The following MIOS variants were observed in gnomAD, a reference collection of about 807,000 sequenced individuals.
The protein encoded by MIOS is GATOR2 complex protein MIOS.
A neutral mutation model predicts 96.9 loss-of-function variants in MIOS; 52 were observed. That is an observed-to-expected ratio of 0.54 (90% CI 0.43 to 0.68). MIOS has a LOEUF of 0.68. MIOS is among the 30% of genes least tolerant of loss of function. MIOS has a pLI of 0.00. For synonymous variants in MIOS, 397 were observed against 359.5 expected (o/e 1.10, Z -1.18); for missense variants, 1,005 against 1,052.8 (o/e 0.95, Z 0.63).
At chr7:7,585,097 A>C (rs1209910099) in intron 6 of MIOS, among the ~76,000 whole-genome samples, 1 of 152,180 alleles carries the variant, frequency 6.6e-6, no homozygotes, top group Non-Finnish European at 1.5e-5. Flanking sequence ...AATGATTTTG[A>C]ATATTGCAGT....
At chr7:7,599,278 A>G (rs1342134917) in intron 11 of MIOS, among the ~76,000 whole-genome samples, 1 of 152,224 alleles carries the variant, frequency 6.6e-6, no homozygotes, top group African/African-American at 2.4e-5. Flanking sequence ...CTTTCACTAC[A>G]GAAATACTAA....
Position 7,574,111 on chromosome 7 carries a change from C to A in MIOS, c.1308C>A (p.Tyr436Ter). The A allele has an allele frequency of 6.2e-7, 1 of 1,607,636 alleles. No individual in the cohort carries two copies. The highest frequency in any genetic ancestry group is 8.5e-7 in the Non-Finnish European group (1 of 1,175,736). Residue 436 changes from tyrosine (Y) to a stop codon, truncating the protein, a stop_gained, in exon 5 of 13, where the codon TAC becomes TAA. Transcript: ENST00000340080. LOFTEE classifies it high-confidence loss of function. Reference protein sequence around the residue: ...LWYTLHFMKQYTEDMDQKSPG... With the variant: ...LWYTLHFMKQ ...GCATTTAAATACTTATGAAGCAATA[C>A]ACAGAAGATATGGATCAGAAATCTC...
chr7:7,596,333 T>G lies in MIOS; in HGVS notation c.2273T>G (p.Phe758Cys). Residue 758 changes from phenylalanine to cysteine, a missense_variant, in exon 11 of 13, where the codon TTT becomes TGT. Phe to Cys is a radical substitution (Grantham distance 205). This residue lies in a region of MIOS where 865 missense variants were observed against 887.9 expected (regional missense o/e 0.97). Transcript: ENST00000340080. ...CSAVPHQGRG[F>C]SQYGVSGSPT... The stretch of plus-strand genomic sequence containing the variant: ...GCTGTGCCTCATCAGGGCAGAGGTT[T>G]TAGTCAGTATGGTGTGAGTGGCTCA... 6.2e-7 allele frequency: 1 copy of G among 1,614,132 alleles called. No individual in the cohort carries two copies. Among genetic ancestry groups the G allele is most frequent in the Non-Finnish European group, 8.5e-7 (1 of 1,180,018 alleles).
Position 7,605,954 on chromosome 7 carries a change from C to G in MIOS, c.2414C>G (p.Ser805Ter). ...TATTTTGTCATAGGAGGAACCAAAT[C>G]AGATGAAAAAGTGGACTTGAGCAAG... Reference protein sequence around the residue: ...PVSSCPGGTKSDEKVDLSKDK... With the variant: ...PVSSCPGGTK Residue 805 changes from serine (S) to a stop codon, truncating the protein, a stop_gained, in exon 12 of 13, where the codon TCA (serine) becomes TGA (stop). Transcript: ENST00000340080. LOFTEE classifies it high-confidence loss of function. The G allele has an allele frequency of 1.9e-6, 3 of 1,613,196 alleles. No homozygotes were observed. Among genetic ancestry groups the G allele is most frequent in the Non-Finnish European group, 2.5e-6 (3 of 1,179,406 alleles).
chr7:7,585,939 T>C, intron 7 of MIOS, 134 bp downstream of exon 7: 1 of 789,318 alleles, frequency 1.3e-6, no homozygotes, highest in Non-Finnish European at 1.8e-6. Context: ...ATAAGGCATC[T>C]TGGGCTTTTT....
chr7:7,580,939 G>A (rs1339162115), intron 5 of MIOS, among the ~76,000 whole-genome samples: 21 of 149,612 alleles, frequency 1.4e-4, no homozygotes, highest in African/African-American at 4.9e-4. Flanking sequence ...CGCCCACCTC[G>A]TCCTCCCAAA....
chr7:7,586,296 G>A (rs1783886482), intron 7 of MIOS, among the ~76,000 whole-genome samples: 1 of 152,134 alleles, frequency 6.6e-6, no homozygotes, highest in African/African-American at 2.4e-5. Context: ...AATGATAACA[G>A]TACTTACAGT....
In MIOS at chr7:7,572,606, G is replaced by A. The variant is rs765107294; in HGVS notation, c.131G>A (p.Arg44His). The A allele has an allele frequency of 1.9e-5, 31 of 1,613,914 alleles. No individual in the cohort carries two copies. The highest frequency in any genetic ancestry group is 1.2e-4 in the Admixed American group (7 of 59,994). ...TCAGAACTCAAAGCTGGATCTTTAC[G>A]TTTATCTGAAGACTCTGCAGCTACA... The part of the protein sequence containing the change: ...VNSELKAGSL[R>H]LSEDSAATLL... The change falls in exon 4 of 13, where the codon CGT becomes CAT. Residue 44 changes from arginine to histidine, a missense_variant. Physicochemically the swap from Arg to His is conservative, Grantham distance 29. Coordinates refer to ENST00000340080, the MANE Select transcript of MIOS (RefSeq NM_019005.4). The surrounding 1 kb of genome is among the most constrained non-coding windows in gnomAD (Gnocchi z 4.8).
At chr7:7,592,601 A>G (rs564682896) in intron 9 of MIOS, among the ~76,000 whole-genome samples, 1 of 152,158 alleles carries the variant, frequency 6.6e-6, no homozygotes, top group South Asian at 2.1e-4. Context: ...TTTTCCTGCA[A>G]CTAGATGGTC....
intron 8 of MIOS, 136 bp downstream of exon 8, chr7:7,588,699 A>G: frequency 2.2e-6 from 1 of 461,772 alleles, no homozygotes; most frequent in Non-Finnish European, 3.6e-6. Context: ...AGAATTTATT[A>G]GATAAAAATA....
In MIOS at chr7:7,597,517, T is replaced by TATATAAAAAAAA. The variant is rs372634070; in HGVS notation, c.2401+1056_2401+1057insATATAAAAAAAA. On this transcript the variant is annotated intron_variant, in intron 11 of 12. Coordinates refer to ENST00000340080, the MANE Select transcript of MIOS (RefSeq NM_019005.4). ...ATATATATATATATATATATATATA[T>TATATAAAAAAAA]GAAGGCAATACGTAATGTTTTAAAT... Among the ~76,000 whole-genome samples, 6 of 70,444 alleles carry TATATAAAAAAAA rather than the reference T, an allele frequency of 8.5e-5. 1 individual carries two copies. The highest frequency in any genetic ancestry group is 1.1e-4 in the Non-Finnish European group (4 of 36,496). The allele number at this position is 70,444 out of a possible 152,430, so 46.2% of individuals were successfully genotyped here.
At chr7:7,587,656 T>C (rs1159415728) in intron 7 of MIOS, among the ~76,000 whole-genome samples, 1 of 152,122 alleles carries the variant, frequency 6.6e-6, no homozygotes, top group African/African-American at 2.4e-5. Flanking sequence ...TGCAACTGAA[T>C]CTAAGAGTTA....
intron 11 of MIOS, among the ~76,000 whole-genome samples, chr7:7,602,141 G>C (rs542305557): frequency 6.6e-6 from 1 of 152,284 alleles, no homozygotes; most frequent in East Asian, 1.9e-4. Context: ...AAAACTGGAA[G>C]CATTCCCTTT....
chr7:7,573,865 T>C lies in MIOS; in HGVS notation c.1294+96T>C. 1 of 1,190,438 alleles carries C rather than the reference T, an allele frequency of 8.4e-7. No homozygotes were observed. The allele number at this position is 1,190,438 out of a possible 1,614,324, so 73.7% of individuals were successfully genotyped here. On this transcript the variant is annotated intron_variant, in intron 4 of 12. Transcript: ENST00000340080. The surrounding 1 kb of genome is among the most constrained non-coding windows in gnomAD (Gnocchi z 5.0). ...GTCTGTAAATATGCTCAATGTTTTATATACAAATACAAGTTACATAATACT... is the reference window on the plus strand; with the variant it reads ...GTCTGTAAATATGCTCAATGTTTTACATACAAATACAAGTTACATAATACT...
chr7:7,573,569 C>G lies in MIOS; in HGVS notation c.1094C>G (p.Ser365Cys), dbSNP rs542511000. Residue 365 changes from serine to cysteine, a missense_variant, in exon 4 of 13, where the codon TCT becomes TGT. By Grantham distance (112) the Ser-to-Cys change is moderately radical. This residue lies in a region of MIOS where 865 missense variants were observed against 887.9 expected (regional missense o/e 0.97). Transcript: ENST00000340080. This position sits in a 1 kb window ranked among gnomAD's most constrained non-coding sequence, Gnocchi z 5.0. ...RISLAWSPIT[S>C]LMWACGRHLY... ...TCTCTTGCCTGGAGCCCAATTACAT[C>G]TTTAATGTGGGCTTGTGGTCGTCAT... The G allele has an allele frequency of 6.2e-7, 1 of 1,614,090 alleles. No homozygotes were observed. Among genetic ancestry groups the G allele is most frequent in the South Asian group, 1.1e-5 (1 of 91,080 alleles).
chr7:7,574,300 G>A, intron 5 of MIOS, 104 bp downstream of exon 5: 1 of 805,644 alleles, frequency 1.2e-6, no homozygotes, highest in Non-Finnish European at 1.9e-6. Flanking sequence ...TCAGGATCAT[G>A]TACATAATTT....
intron 9 of MIOS, among the ~76,000 whole-genome samples, chr7:7,592,114 G>A (rs527776530): frequency 1.3e-5 from 2 of 151,872 alleles, no homozygotes; most frequent in African/African-American, 2.4e-5. Context: ...TCAGCCTCCC[G>A]AGTAGCTGGG....
chr7:7,599,683 T>G (rs1292814206), intron 11 of MIOS, among the ~76,000 whole-genome samples: 4 of 152,102 alleles, frequency 2.6e-5, no homozygotes, highest in Admixed American at 6.6e-5. Context: ...GGAAGTGAAC[T>G]GATAAGAAAC....
At chr7:7,605,907 A>C in intron 11 of MIOS, 35 bp from the exon 12 acceptor site, 3 of 1,577,620 alleles carry the variant, frequency 1.9e-6, no homozygotes, top group Non-Finnish European at 2.6e-6. Flanking sequence ...AAATATTATG[A>C]TATAGTTAAT....
Sources: gnomAD v4.1 joint callset for allele counts (sites outside exome capture counted in the v4.1 genomes callset) on GRCh38, gnomAD v4.1.1 for gene constraint, gnomAD v4.1.1 regional missense constraint, Gnocchi (gnomAD v3.1) non-coding constraint, MANE v1.5 for transcripts, NCBI Gene and HGNC (gene_info 2026-07-23, HGNC 2026-07-21) for gene names.